Variants in SLFN12L observed in about 807,000 individuals in gnomAD.
SLFN12L encodes schlafen family member 12-like.
SLFN12L carries 34 observed loss-of-function variants against 34.8 expected under a neutral mutation model. The ratio of observed to expected loss-of-function variants is 0.98; its 90% CI spans 0.74 to 1.30. The LOEUF is 1.30. SLFN12L is among the 50% of genes most tolerant of loss of function. The pLI is 0.00. For synonymous variants in SLFN12L, 259 were observed against 247.5 expected (o/e 1.05, Z -0.44); for missense variants, 703 against 696.2 (o/e 1.01, Z -0.11).
chr17:35,501,591 G>A (rs568585246), intron 2 of SLFN12L, among the ~76,000 whole-genome samples: 1 of 152,298 alleles, frequency 6.6e-6, no homozygotes, highest in South Asian at 2.1e-4. Flanking sequence ...TGCATGAGGT[G>A]TGAGTGTGGT....
chr17:35,494,430 C>A (rs1446768255), intron 2 of SLFN12L, among the ~76,000 whole-genome samples: 1 of 152,150 alleles, frequency 6.6e-6, no homozygotes, highest in Non-Finnish European at 1.5e-5. Flanking sequence ...AAAATAAAAA[C>A]TTTTAAAAAA....
At chr17:35,497,141 A>C (rs1297149505) in intron 2 of SLFN12L, among the ~76,000 whole-genome samples, 1 of 152,244 alleles carries the variant, frequency 6.6e-6, no homozygotes, top group African/African-American at 2.4e-5. Flanking sequence ...CTGTAATCTC[A>C]GCACTTTGGG....
intron 2 of SLFN12L, among the ~76,000 whole-genome samples, chr17:35,487,380 T>C (rs970119877): frequency 6.6e-6 from 1 of 152,226 alleles, no homozygotes; most frequent in African/African-American, 2.4e-5. Flanking sequence ...GAGCCAACTT[T>C]CCCAGAAGGG....
chr17:35,471,820 T>C lies in SLFN12L; in HGVS notation c.*3103A>G, dbSNP rs1181346041. On this transcript the variant is annotated 3_prime_UTR_variant, in exon 5 of 5. Coordinates refer to ENST00000628453, the MANE Select transcript of SLFN12L (RefSeq NM_001363830.2). ...TGCATTTCTCTAATGATAAGTGATGTTGAGTTTTTTTTCATACGTTTGTTG... is the reference window on the plus strand; with the variant it reads ...TGCATTTCTCTAATGATAAGTGATGCTGAGTTTTTTTTCATACGTTTGTTG... Among the ~76,000 whole-genome samples the C allele has an allele frequency of 1.3e-5, 2 of 152,188 alleles. No individual in the cohort carries two copies. The highest frequency in any genetic ancestry group is 2.4e-5 in the African/African-American group (1 of 41,458).
chr17:35,465,107 T>C lies in SLFN12L; in HGVS notation c.*9816A>G, dbSNP rs1913701620. Among the ~76,000 whole-genome samples the C allele has an allele frequency of 6.6e-6, 1 of 152,200 alleles. No individual in the cohort carries two copies. The highest frequency in any genetic ancestry group is 2.4e-5 in the African/African-American group (1 of 41,456). ...GTTCGCCAGGCTGGTCTCGAACTCC[T>C]GGCCTCAAGTGATCCGCCTGTCTCG... On this transcript the variant is annotated 3_prime_UTR_variant, in exon 5 of 5. Transcript: ENST00000628453.
chr17:35,494,279 G>A (rs1335273128), intron 2 of SLFN12L, among the ~76,000 whole-genome samples: 4 of 151,744 alleles, frequency 2.6e-5, no homozygotes, highest in African/African-American at 9.7e-5. Context: ...AAACAGATTT[G>A]TTACAGGGTG....
At chr17:35,515,041 C>T in intron 2 of SLFN12L, 5 of 560,784 alleles carry the variant, frequency 8.9e-6, no homozygotes, top group South Asian at 7.3e-5. Flanking sequence ...TCAACTCACT[C>T]CTCGGCCAGC....
intron 1 of SLFN12L, among the ~76,000 whole-genome samples, chr17:35,530,438 AGGG>A (rs1366862888): frequency 2.0e-4 from 2 of 9,960 alleles, no homozygotes; most frequent in African/African-American, 4.3e-4. Context: ...AGGGAAGGGA[AGGG>A]AAGAAAGAAA....
In SLFN12L at chr17:35,522,757, T is replaced by C; in HGVS notation, c.-393A>G. 6.2e-7 allele frequency: 1 copy of C among 1,602,980 alleles called. No individual in the cohort carries two copies. Among genetic ancestry groups the C allele is most frequent in the South Asian group, 1.1e-5 (1 of 90,672 alleles). The stretch of plus-strand genomic sequence containing the variant: ...AGTGCAAGTGCAGTAGTCCTGGCCC[T>C]GCCAGGGCTGTTCTATGCTATCAGC... On this transcript the variant is annotated 5_prime_UTR_variant, in exon 2 of 5. Coordinates refer to ENST00000628453, the MANE Select transcript of SLFN12L (RefSeq NM_001363830.2).
rs375954125 is a variant in SLFN12L at position 35,471,268 on chromosome 17, C to A, written c.*3655G>T. Among the ~76,000 whole-genome samples, 1 of 151,870 alleles carries A rather than the reference C, an allele frequency of 6.6e-6. No individual in the cohort carries two copies. Among genetic ancestry groups the A allele is most frequent in the African/African-American group, 2.4e-5 (1 of 41,306 alleles). On this transcript the variant is annotated 3_prime_UTR_variant, in exon 5 of 5. Transcript: ENST00000628453. The stretch of plus-strand genomic sequence containing the variant: ...TTTCATGTCTCAGCCTCCCAAGTAG[C>A]TGGGATTACAGACGCCTACCACCAC...
intron 1 of SLFN12L, among the ~76,000 whole-genome samples, chr17:35,533,335 A>G (rs959468732): frequency 2.6e-5 from 4 of 152,244 alleles, no homozygotes; most frequent in African/African-American, 9.6e-5. Context: ...TACTCAACAA[A>G]TATTTATTGG....
intron 2 of SLFN12L, among the ~76,000 whole-genome samples, chr17:35,491,512 G>A (rs1326675315): frequency 6.6e-6 from 1 of 152,232 alleles, no homozygotes; most frequent in Non-Finnish European, 1.5e-5. Flanking sequence ...GTGAGAAAAT[G>A]TACAATCAGT....
At chr17:35,508,020 G>A (rs996559222) in intron 2 of SLFN12L, among the ~76,000 whole-genome samples, 4 of 152,298 alleles carry the variant, frequency 2.6e-5, no homozygotes, top group South Asian at 2.1e-4. Context: ...GCCTGGTGCC[G>A]TGCCCTGGGC....
At chr17:35,508,494 C>G (rs1462064757) in intron 2 of SLFN12L, among the ~76,000 whole-genome samples, 1 of 152,108 alleles carries the variant, frequency 6.6e-6, no homozygotes, top group African/African-American at 2.4e-5. Context: ...CTACAGACAC[C>G]CGCCACCATG....
intron 1 of SLFN12L, among the ~76,000 whole-genome samples, chr17:35,535,166 C>A (rs1250501980): frequency 6.7e-6 from 1 of 150,244 alleles, no homozygotes; most frequent in Non-Finnish European, 1.5e-5. Flanking sequence ...TGTTTCTAAT[C>A]AAAACCTAGA....
chr17:35,515,880 G>A (rs1024775707), intron 2 of SLFN12L, among the ~76,000 whole-genome samples: 1 of 151,848 alleles, frequency 6.6e-6, no homozygotes, highest in Admixed American at 6.6e-5. Flanking sequence ...CTGACCTCGT[G>A]ATCTACCCGC....
At position 35,471,634 on chromosome 17, in the gene SLFN12L, G is replaced by A. The variant is rs1913810647; in HGVS notation, c.*3289C>T. On this transcript the variant is annotated 3_prime_UTR_variant, in exon 5 of 5. Coordinates refer to ENST00000628453, the MANE Select transcript of SLFN12L (RefSeq NM_001363830.2). The stretch of plus-strand genomic sequence containing the variant: ...TTCTCCACAGCCTCGCCGTGCAGTG[G>A]AGACTTTTTAATAATCTTTCTTTTA... Among the ~76,000 whole-genome samples the A allele has an allele frequency of 6.6e-6, 1 of 150,862 alleles. No homozygotes were observed. Among genetic ancestry groups the A allele is most frequent in the Non-Finnish European group, 1.5e-5 (1 of 67,628 alleles).
In SLFN12L at chr17:35,529,016, A is replaced by T. The variant is rs2072365194; in HGVS notation, c.-605-6047T>A. On this transcript the variant is annotated intron_variant, in intron 1 of 4. Coordinates refer to ENST00000628453, the MANE Select transcript of SLFN12L (RefSeq NM_001363830.2). Reference sequence around the variant, plus strand: ...TCACAAGAAAAAAACAAACAACCCCATCAAAAAGTGGGCAAAGGATATGAA... The same window carrying T: ...TCACAAGAAAAAAACAAACAACCCCTTCAAAAAGTGGGCAAAGGATATGAA... 2.0e-5 allele frequency among the ~76,000 whole-genome samples: 3 copies of T among 152,214 alleles called. No individual in the cohort carries two copies. In the South Asian group the frequency reaches 6.2e-4, roughly 32 times the overall value.
rs1913692760 is a variant in SLFN12L at position 35,464,616 on chromosome 17, TGTGTAGTAGCCCATG to T, written c.*10292_*10306del. 1 of 152,226 alleles carries T rather than the reference TGTGTAGTAGCCCATG, an allele frequency of 6.6e-6. No individual in the cohort carries two copies. The highest frequency in any genetic ancestry group is 2.4e-5 in the African/African-American group (1 of 41,444). 9.4% of individuals were successfully genotyped at this position (152,226 alleles called of 1,614,324 possible). A position where few individuals can be genotyped will look rare whatever the true frequency, so the allele number is the denominator to read the frequency against. ...ACATGATCTTGTTCTTTTTTATGGC[TGTGTAGTAGCCCATG>T]GTGTATATGTACCACATTTTCTTTA... On this transcript the variant is annotated 3_prime_UTR_variant, in exon 5 of 5. Transcript: ENST00000628453.
Sources: allele counts gnomAD v4.1 joint callset (sites outside exome capture counted in the v4.1 genomes callset), GRCh38; gene constraint gnomAD v4.1.1; transcripts MANE v1.5; gene names NCBI Gene and HGNC (gene_info 2026-07-23, HGNC 2026-07-21).